Variants in ATRNL1 observed in about 807,000 individuals in gnomAD.
The protein encoded by ATRNL1 is attractin-like protein 1.
In ATRNL1, 95 loss-of-function variants were observed where a neutral mutation model predicts 182.7. That is an observed-to-expected ratio of 0.52 (90% CI 0.44 to 0.62). The LOEUF (loss-of-function observed/expected upper bound fraction) is 0.62, where lower values mean the gene tolerates loss of function less well. Among genes scored for constraint, ATRNL1 ranks in the 20% least tolerant of loss-of-function variants. The probability of loss-of-function intolerance (pLI) is 0.00; values close to 1 mark genes in which losing one functional copy is unlikely to be tolerated. For missense variants in ATRNL1, 1,471 were observed against 1,679.5 expected, an observed-to-expected ratio of 0.88 and a Z score of 2.17; for synonymous variants, 576 against 568.3, an observed-to-expected ratio of 1.01 and a Z score of -0.19.
At chr10:115,331,855 G>A (rs1451530188) in intron 18 of ATRNL1, among the ~76,000 whole-genome samples, 1 of 151,996 alleles carries the variant, frequency 6.6e-6, no homozygotes, top group Non-Finnish European at 1.5e-5. Context: ...GATCCATATT[G>A]GGTGCCCAGG....
At chr10:115,492,302 A>T (rs374084541) in intron 24 of ATRNL1, among the ~76,000 whole-genome samples, 2 of 152,030 alleles carry the variant, frequency 1.3e-5, no homozygotes, top group African/African-American at 4.8e-5. Flanking sequence ...TTCAATGGTT[A>T]TTTCTTTTTT....
At chr10:115,506,179 CA>C (rs1274086715) in intron 24 of ATRNL1, among the ~76,000 whole-genome samples, 3 of 151,914 alleles carry the variant, frequency 2.0e-5, no homozygotes, top group Non-Finnish European at 4.4e-5. Context: ...GGCAGGGTGT[CA>C]GGGGTGGTGG....
chr10:115,874,650 C>A (rs899034635), intron 28 of ATRNL1, among the ~76,000 whole-genome samples: 7 of 152,156 alleles, frequency 4.6e-5, no homozygotes, highest in Non-Finnish European at 7.4e-5. Flanking sequence ...AGAGAAAGAG[C>A]ACTTACTAAA....
intron 10 of ATRNL1, among the ~76,000 whole-genome samples, chr10:115,242,668 G>A (rs1850472146): frequency 6.6e-6 from 1 of 151,860 alleles, no homozygotes; most frequent in Non-Finnish European, 1.5e-5. Flanking sequence ...ATTTCAAGTA[G>A]AATCATGTAA....
chr10:115,657,526 A>G (rs1860402682), intron 26 of ATRNL1, among the ~76,000 whole-genome samples: 1 of 152,182 alleles, frequency 6.6e-6, no homozygotes, highest in Admixed American at 6.6e-5. Context: ...TTACATAAAA[A>G]TATAGTTAGG....
intron 26 of ATRNL1, among the ~76,000 whole-genome samples, chr10:115,614,667 T>C (rs184429860): frequency 1.7e-3 from 264 of 152,230 alleles, no homozygotes; most frequent in African/African-American, 5.9e-3. Flanking sequence ...TATTGGTCTT[T>C]GATTAATATT....
intron 27 of ATRNL1, among the ~76,000 whole-genome samples, chr10:115,834,021 C>T (rs2907558): frequency 0.76 from 114,684 of 151,872 alleles, 43,363 homozygotes; most frequent in Admixed American, 0.82. Context: ...GCTCAACTGC[C>T]GGAGCACTTC....
intron 20 of ATRNL1, among the ~76,000 whole-genome samples, chr10:115,403,705 G>A (rs1433213253): frequency 6.6e-6 from 1 of 152,142 alleles, no homozygotes; most frequent in Non-Finnish European, 1.5e-5. Context: ...GTCCACCTTG[G>A]CCTACCAAAG....
At chr10:115,359,790 C>G (rs112797930) in intron 19 of ATRNL1, among the ~76,000 whole-genome samples, 1 of 151,508 alleles carries the variant, frequency 6.6e-6, no homozygotes, top group South Asian at 2.1e-4. Flanking sequence ...CAGAGCTTAA[C>G]TATCTTACAT....
At chr10:115,193,785 C>T (rs1554890421) in intron 8 of ATRNL1, among the ~76,000 whole-genome samples, 2 of 150,636 alleles carry the variant, frequency 1.3e-5, no homozygotes, top group Non-Finnish European at 1.5e-5. Flanking sequence ...TTAAGATGTG[C>T]CATTAGGTTG....
chr10:115,099,571 CTAGT>C (rs1429941460), intron 1 of ATRNL1, among the ~76,000 whole-genome samples: 16 of 152,252 alleles, frequency 1.1e-4, no homozygotes, highest in Admixed American at 3.3e-4. Context: ...AGTGTTCTAT[CTAGT>C]TAATTTCACA....
At chr10:115,150,001 A>G (rs1757704462) in intron 5 of ATRNL1, among the ~76,000 whole-genome samples, 1 of 149,884 alleles carries the variant, frequency 6.7e-6, no homozygotes, top group South Asian at 2.1e-4. Flanking sequence ...ACTTTTTATT[A>G]CTACTTTGAT....
chr10:115,829,433 G>A (rs1950509747), intron 27 of ATRNL1, among the ~76,000 whole-genome samples: 1 of 150,820 alleles, frequency 6.6e-6, no homozygotes. Context: ...TGTATTACAT[G>A]ATCAAGCTTA....
At chr10:115,777,822 A>T (rs770606200) in intron 27 of ATRNL1, among the ~76,000 whole-genome samples, 7 of 152,216 alleles carry the variant, frequency 4.6e-5, no homozygotes, top group Non-Finnish European at 1.0e-4. Flanking sequence ...TTAAAAATAT[A>T]AAACATGTAA....
At chr10:115,275,777 G>T (rs1852077871) in intron 13 of ATRNL1, among the ~76,000 whole-genome samples, 1 of 152,032 alleles carries the variant, frequency 6.6e-6, no homozygotes, top group East Asian at 1.9e-4. Context: ...TCTCAGTGAG[G>T]GTGAGCAGAT....
At chr10:115,832,469 ACTCC>A (rs1950580644) in intron 27 of ATRNL1, among the ~76,000 whole-genome samples, 1 of 152,038 alleles carries the variant, frequency 6.6e-6, no homozygotes, top group Non-Finnish European at 1.5e-5. Flanking sequence ...TTGTTTTTGC[ACTCC>A]CTTCATTCCT....
chr10:115,567,391 A>G (rs1555002231), intron 26 of ATRNL1, among the ~76,000 whole-genome samples: 1 of 152,154 alleles, frequency 6.6e-6, no homozygotes. Flanking sequence ...AAATGAAAAC[A>G]TATCTCATTT....
chr10:115,940,748 A>G (rs181937544), intron 28 of ATRNL1, among the ~76,000 whole-genome samples: 149 of 152,050 alleles, frequency 9.8e-4, no homozygotes, highest in Admixed American at 2.6e-3. Flanking sequence ...ATCGAATTCA[A>G]TAAGATAGGG....
chr10:115,932,861 C>T (rs1189210087), intron 28 of ATRNL1, among the ~76,000 whole-genome samples: 1 of 152,136 alleles, frequency 6.6e-6, no homozygotes, highest in Non-Finnish European at 1.5e-5. Flanking sequence ...AGCCTTGTAT[C>T]TGTCTCCTAT....
Sources: gnomAD v4.1 joint callset for allele counts (sites outside exome capture counted in the v4.1 genomes callset) on GRCh38, gnomAD v4.1.1 for gene constraint, MANE v1.5 for transcripts, NCBI Gene and HGNC (gene_info 2026-07-23, HGNC 2026-07-21) for gene names.